The following SAMMSON variants were observed in gnomAD, a reference collection of about 807,000 sequenced individuals.
SAMMSON encodes survival associated mitochondrial melanoma specific oncogenic non-coding RNA.
intron 4 of SAMMSON, among the ~76,000 whole-genome samples, chr3:70,136,823 A>G (rs2067507588): frequency 1.1e-5 from 1 of 88,008 alleles, no homozygotes; most frequent in Non-Finnish European, 2.3e-5. Flanking sequence ...TTAACTTAAG[A>G]CATTTTATGT....
intron 4 of SAMMSON, among the ~76,000 whole-genome samples, chr3:70,105,573 C>T (rs2067364075): frequency 6.6e-6 from 1 of 152,150 alleles, no homozygotes; most frequent in African/African-American, 2.4e-5. Flanking sequence ...GGCTGACTCC[C>T]ATGTGGAAGA....
chr3:70,070,772 G>GT (rs2067226565), intron 3 of SAMMSON, among the ~76,000 whole-genome samples: 1 of 152,008 alleles, frequency 6.6e-6, no homozygotes, highest in African/African-American at 2.4e-5. Flanking sequence ...GAGCAATACT[G>GT]TATTGAGGTG....
chr3:70,341,401 A>G (rs954839486), intron 7 of SAMMSON, among the ~76,000 whole-genome samples: 4 of 152,042 alleles, frequency 2.6e-5, no homozygotes, highest in African/African-American at 7.2e-5. Flanking sequence ...TGATTTTTTC[A>G]TGGTGAAAGA....
intron 2 of SAMMSON, among the ~76,000 whole-genome samples, chr3:70,433,003 CT>C (rs1348453231): frequency 6.6e-6 from 1 of 151,918 alleles, no homozygotes; most frequent in Non-Finnish European, 1.5e-5. Flanking sequence ...AGCTTATTTC[CT>C]TTTATTACTG....
chr3:70,023,964 C>G (rs2067026757), intron 3 of SAMMSON, among the ~76,000 whole-genome samples: 1 of 152,164 alleles, frequency 6.6e-6, no homozygotes, highest in African/African-American at 2.4e-5. Context: ...TTCTGCCTGT[C>G]TCCAGCTGAC....
chr3:70,291,432 A>T (rs901055067), intron 7 of SAMMSON, among the ~76,000 whole-genome samples: 1 of 152,192 alleles, frequency 6.6e-6, no homozygotes, highest in Non-Finnish European at 1.5e-5. Context: ...AAGTAGAGCT[A>T]TTAGCTACCT....
At chr3:70,115,880 G>C (rs530881255) in intron 4 of SAMMSON, among the ~76,000 whole-genome samples, 1 of 152,232 alleles carries the variant, frequency 6.6e-6, no homozygotes, top group Admixed American at 6.5e-5. Flanking sequence ...AAGTTGCCCA[G>C]TGTTGACATC....
rs959019219 is a variant in SAMMSON, at chr3:70,112,767, C to T, written n.507+41202C>T. On this transcript the variant is annotated intron_variant and non_coding_transcript_variant, in intron 4 of 9. Coordinates refer to ENST00000642114, the Ensembl canonical transcript of SAMMSON. ...CACTTAGAAGTCTGATATTTAAATTCGTTTTCAAAAATCCAATTACATACT... is the reference window on the plus strand; with the variant it reads ...CACTTAGAAGTCTGATATTTAAATTTGTTTTCAAAAATCCAATTACATACT... Among the ~76,000 whole-genome samples the T allele has an allele frequency of 5.9e-5, 9 of 152,064 alleles. No individual in the cohort carries two copies. The East Asian group carries it at 7.7e-4, about 13-fold the overall frequency.
intron 4 of SAMMSON, among the ~76,000 whole-genome samples, chr3:70,190,628 T>A (rs1701124465): frequency 6.6e-6 from 1 of 152,316 alleles, no homozygotes; most frequent in East Asian, 1.9e-4. Flanking sequence ...ACACAGATAC[T>A]TTTATTCACA....
intron 7 of SAMMSON, among the ~76,000 whole-genome samples, chr3:70,346,902 G>A (rs1454918475): frequency 6.6e-6 from 1 of 151,986 alleles, no homozygotes; most frequent in Non-Finnish European, 1.5e-5. Flanking sequence ...CTTTAGCTTC[G>A]AGCTGTTGAC....
At chr3:70,429,961 T>C (rs1701400891) in intron 2 of SAMMSON, among the ~76,000 whole-genome samples, 1 of 152,178 alleles carries the variant, frequency 6.6e-6, no homozygotes, top group African/African-American at 2.4e-5. Context: ...ACTTTATTTG[T>C]TTATCTTGCC....
intron 6 of SAMMSON, among the ~76,000 whole-genome samples, chr3:70,289,419 C>G (rs1325248889): frequency 2.0e-5 from 3 of 148,084 alleles, no homozygotes; most frequent in African/African-American, 7.6e-5. Flanking sequence ...GGGTTTCTGC[C>G]GAGAGATCCG....
intron 4 of SAMMSON, among the ~76,000 whole-genome samples, chr3:70,147,371 G>A (rs1332853796): frequency 6.6e-6 from 1 of 151,812 alleles, no homozygotes; most frequent in Non-Finnish European, 1.5e-5. Flanking sequence ...AATCAATTTT[G>A]AAAAAAGAAT....
chr3:70,327,359 G>A (rs1204764420), intron 7 of SAMMSON, among the ~76,000 whole-genome samples: 1 of 152,150 alleles, frequency 6.6e-6, no homozygotes, highest in Non-Finnish European at 1.5e-5. Context: ...TGACCCCTGA[G>A]GAAGGAAAAC....
At chr3:70,256,587 G>T (rs1701818655) in intron 6 of SAMMSON, among the ~76,000 whole-genome samples, 1 of 152,172 alleles carries the variant, frequency 6.6e-6, no homozygotes, top group East Asian at 1.9e-4. Context: ...TATGCCACTT[G>T]CTGCTCCATC....
At chr3:70,090,955 G>T (rs2067302874) in intron 4 of SAMMSON, among the ~76,000 whole-genome samples, 1 of 152,108 alleles carries the variant, frequency 6.6e-6, no homozygotes, top group African/African-American at 2.4e-5. Context: ...TTCTAAAAAT[G>T]CAGGATCAAT....
chr3:70,006,055 G>A (rs971232301), intron 1 of SAMMSON, among the ~76,000 whole-genome samples: 6 of 152,092 alleles, frequency 3.9e-5, no homozygotes, highest in Non-Finnish European at 7.4e-5. Context: ...TGATTTTATC[G>A]ATTTTAATAA....
chr3:70,270,804 A>T (rs6549317), intron 6 of SAMMSON, among the ~76,000 whole-genome samples: 150,363 of 152,208 alleles, frequency 0.99, 74,280 homozygotes, highest in Non-Finnish European at 1. Flanking sequence ...CAAAAACACA[A>T]GTTATCACTC....
At chr3:70,314,939 C>T (rs1219354075) in intron 7 of SAMMSON, among the ~76,000 whole-genome samples, 1 of 152,054 alleles carries the variant, frequency 6.6e-6, no homozygotes, top group Non-Finnish European at 1.5e-5. Flanking sequence ...AATTTTCTGT[C>T]CCAAGAGCAA....
Sources: gnomAD v4.1 joint callset for allele counts (sites outside exome capture counted in the v4.1 genomes callset) on GRCh38, gnomAD v4.1.1 for gene constraint, MANE v1.5 for transcripts, NCBI Gene and HGNC (gene_info 2026-07-23, HGNC 2026-07-21) for gene names.